RPEL1: variants seen among roughly 807,000 people sequenced by gnomAD.
RPEL1 encodes the protein ribulose-phosphate 3-epimerase-like protein 1.
A neutral mutation model predicts 12.8 loss-of-function variants in RPEL1; 7 were observed. The observed-to-expected ratio is 0.55, with a 90% CI of 0.31 to 1.03. The LOEUF is 1.03. Among genes scored for constraint, RPEL1 ranks in the 50% least tolerant of loss-of-function variants. The pLI is 0.05. For synonymous variants in RPEL1, 91 were observed against 102.0 expected, an observed-to-expected ratio of 0.89 and a Z score of 0.65; for missense variants, 237 against 289.4, an observed-to-expected ratio of 0.82 and a Z score of 1.31.
At position 103,247,893 on chromosome 10, in the gene RPEL1, T is replaced by C. The variant is rs535669961; in HGVS notation, c.*1210T>C. On this transcript the variant is annotated 3_prime_UTR_variant, in exon 1 of 1. Transcript: ENST00000441178. ...AATTCTAAGGCAATTCTACTGCAAATGAGATACTATCTTAATTTACAGTTG... is the reference window on the plus strand; with the variant it reads ...AATTCTAAGGCAATTCTACTGCAAACGAGATACTATCTTAATTTACAGTTG... 3.0e-5 allele frequency: 5 copies of C among 166,858 alleles called. No individual in the cohort carries two copies. Among genetic ancestry groups the C allele is most frequent in the Admixed American group, 2.0e-4 (3 of 15,222 alleles). 10.3% of individuals were successfully genotyped at this position (166,858 alleles called of 1,614,324 possible).
In RPEL1 at chr10:103,247,237, G is replaced by A. The variant is rs190262635; in HGVS notation, c.*554G>A. On this transcript the variant is annotated 3_prime_UTR_variant, in exon 1 of 1. Transcript: ENST00000441178. Reference sequence around the variant, plus strand: ...TATAAAAACAATGCGTGAAACCCAGGGGTTCTAAAATACAAGCATAGATTT... The same window carrying A: ...TATAAAAACAATGCGTGAAACCCAGAGGTTCTAAAATACAAGCATAGATTT... 404 of 170,000 alleles carry A rather than the reference G, an allele frequency of 2.4e-3. No homozygotes were observed. The highest frequency in any genetic ancestry group is 3.4e-3 in the Non-Finnish European group (236 of 70,134). 10.5% of individuals were successfully genotyped at this position (170,000 alleles called of 1,614,324 possible).
rs746788893 is a variant in RPEL1, at chr10:103,246,358, C to T, written c.362C>T (p.Pro121Leu). 1 of 1,614,198 alleles carries T rather than the reference C, an allele frequency of 6.2e-7. No homozygotes were observed. The highest frequency in any genetic ancestry group is 1.7e-5 in the Admixed American group (1 of 60,018). The change falls in exon 1 of 1, where the codon CCA becomes CTA. Residue 121 changes from proline to leucine, a missense_variant. Transcript: ENST00000441178. ...ATGAAGGTTGGCCTTGCCATCAAACCAGGAACCTCAGTTGAGTATTTGGCA... is the reference window on the plus strand; with the variant it reads ...ATGAAGGTTGGCCTTGCCATCAAACTAGGAACCTCAGTTGAGTATTTGGCA... ...NGMKVGLAIK[P>L]GTSVEYLAPW... is the part of the protein sequence containing the mutation.
rs748839870 is a variant in RPEL1 at position 103,246,116 on chromosome 10, T to C, written c.120T>C (p.Asp40=). ...GADYLHLDVM[D]GHFVPNITFG... ...ATTATCTGCATCTGGATGTAATGGA[T>C]GGGCATTTTGTTCCCAACATCACCT... The change falls in exon 1 of 1, where the codon GAT becomes GAC. Residue 40 remains aspartate (D), a synonymous_variant. Transcript: ENST00000441178. The C allele has an allele frequency of 3.1e-6, 5 of 1,614,194 alleles. No homozygotes were observed. Among genetic ancestry groups the C allele is most frequent in the South Asian group, 2.2e-5 (2 of 91,088 alleles).
the RPEL1 span, chr10:103,246,660 C>T: frequency 1.2e-6 from 2 of 1,613,474 alleles, no homozygotes; most frequent in African/African-American, 2.7e-5. Context: ...AGAAGCTGCT[C>T]AGAAACGTTC....
chr10:103,246,591 G>A lies in RPEL1; in HGVS notation c.595G>A (p.Ala199Thr). 1 of 1,614,216 alleles carries A rather than the reference G, an allele frequency of 6.2e-7. No homozygotes were observed. The change falls in exon 1 of 1, where the codon GCT (alanine) becomes ACT (threonine). Residue 199 changes from alanine to threonine, a missense_variant. By Grantham distance (58) the Ala-to-Thr change is moderately conservative. Transcript: ENST00000441178. ...AGANMTVSGS[A>T]IMRSEDPRSV... is the part of the protein sequence containing the mutation. ...AGCTAACATGACTGTATCTGGCAGT[G>A]CTATTATGAGGAGTGAAGACCCCAG...
chr10:103,247,014 A>G lies in RPEL1; in HGVS notation c.*331A>G, dbSNP rs61869770. On this transcript the variant is annotated 3_prime_UTR_variant, in exon 1 of 1. Transcript: ENST00000441178. The stretch of plus-strand genomic sequence containing the variant: ...CTAAGGAGGGCATATTAGCTACACT[A>G]CAAAAACAAATTTTGTCTGTACTTC... 0.086 allele frequency: 23,165 copies of G among 269,860 alleles called. 1,126 individuals are homozygous for G. Among genetic ancestry groups the G allele is most frequent in the Middle Eastern group, 0.15 (109 of 718 alleles). 16.7% of individuals were successfully genotyped at this position (269,860 alleles called of 1,614,324 possible).
At position 103,246,678 on chromosome 10, in the gene RPEL1, C is replaced by G; in HGVS notation, c.682C>G (p.Arg228Gly). 1 of 1,611,558 alleles carries G rather than the reference C, an allele frequency of 6.2e-7. No individual in the cohort carries two copies. The highest frequency in any genetic ancestry group is 8.5e-7 in the Non-Finnish European group (1 of 1,178,558). The stretch of plus-strand genomic sequence containing the variant: ...AGCTGCTCAGAAACGTTCTCTTGAT[C>G]GATGAAACCATAAGGAGCCCAATGT... ...SEAAQKRSLD[R>G] The change falls in exon 1 of 1, where the codon CGA (arginine) becomes GGA (glycine). Residue 228 changes from arginine (R) to glycine (G), a missense_variant. By Grantham distance (125) the Arg-to-Gly change is moderately radical. Coordinates refer to ENST00000441178, the MANE Select transcript of RPEL1 (RefSeq NM_001143909.1).
Position 103,245,926 on chromosome 10 carries a change from TAAAA to T in RPEL1, c.-61_-58del. On this transcript the variant is annotated 5_prime_UTR_variant, in exon 1 of 1. Transcript: ENST00000441178. ...GTTCTTTGGTAGAATTTCCTGGTTT[TAAAA>T]AAAAAAAAAGTGGGCTCTAGTCTTG... The T allele has an allele frequency of 7.1e-7, 1 of 1,407,518 alleles. No homozygotes were observed. 87.2% of individuals were successfully genotyped at this position (1,407,518 alleles called of 1,614,324 possible). A position where few individuals can be genotyped will look rare whatever the true frequency, so the allele number is the denominator to read the frequency against.
rs1028743648 is a variant in RPEL1 at position 103,247,265 on chromosome 10, T to C, written c.*582T>C. 1 of 169,672 alleles carries C rather than the reference T, an allele frequency of 5.9e-6. No individual in the cohort carries two copies. The highest frequency in any genetic ancestry group is 1.9e-4 in the East Asian group (1 of 5,252). 10.5% of individuals were successfully genotyped at this position (169,672 alleles called of 1,614,324 possible). A position where few individuals can be genotyped will look rare whatever the true frequency, so the allele number is the denominator to read the frequency against. On this transcript the variant is annotated 3_prime_UTR_variant, in exon 1 of 1. Coordinates refer to ENST00000441178, the MANE Select transcript of RPEL1 (RefSeq NM_001143909.1). ...TTCTAAAATACAAGCATAGATTTTATCAGGGTGTTTTTGTCAAAGCAGGTT... is the reference window on the plus strand; with the variant it reads ...TTCTAAAATACAAGCATAGATTTTACCAGGGTGTTTTTGTCAAAGCAGGTT...
In RPEL1 at chr10:103,246,502, C is replaced by G. The variant is rs751537073; in HGVS notation, c.506C>G (p.Ser169Cys). Residue 169 changes from serine to cysteine, a missense_variant, in exon 1 of 1, where the codon TCT becomes TGT. Physicochemically the swap from Ser to Cys is moderately radical, Grantham distance 112 (BLOSUM62 -1). Coordinates refer to ENST00000441178, the MANE Select transcript of RPEL1 (RefSeq NM_001143909.1). ...KVHWLRTQFP[S>C]LDIEGDGGVG... is the part of the protein sequence containing the mutation. ...CACTGGTTGAGGACCCAGTTCCCAT[C>G]TTTGGATATAGAGGGCGATGGTGGA... 4 of 1,614,030 alleles carry G rather than the reference C, an allele frequency of 2.5e-6. No homozygotes were observed. Among genetic ancestry groups the G allele is most frequent in the Admixed American group, 3.3e-5 (2 of 59,994 alleles).
rs748161635 is a variant in RPEL1, at chr10:103,246,211, T to C, written c.215T>C (p.Met72Thr). ...GQDPFFDMHMMVSKPEQWVKP... is the reference protein window; with the variant it reads ...GQDPFFDMHMTVSKPEQWVKP... ...GACCCTTTCTTTGACATGCACATGA[T>C]GGTGTCCAAGCCAGAACAGTGGGTA... Residue 72 changes from methionine to threonine, a missense_variant, in exon 1 of 1, where the codon ATG becomes ACG. Transcript: ENST00000441178. The C allele has an allele frequency of 2.5e-6, 4 of 1,614,220 alleles. No individual in the cohort carries two copies. Among genetic ancestry groups the C allele is most frequent in the South Asian group, 2.2e-5 (2 of 91,088 alleles).
rs959815907 is a variant in RPEL1, at chr10:103,247,973, T to C, written c.*1290T>C. ...GACCTGCTCAAGGTCATATAGCTAG[T>C]AAGGGTGCAGTATAGGTTCGAACCC... On this transcript the variant is annotated 3_prime_UTR_variant, in exon 1 of 1. Transcript: ENST00000441178. 2 of 166,928 alleles carry C rather than the reference T, an allele frequency of 1.2e-5. No individual in the cohort carries two copies. The highest frequency in any genetic ancestry group is 6.6e-5 in the Admixed American group (1 of 15,256). The allele number at this position is 166,928 out of a possible 1,614,324, so 10.3% of individuals were successfully genotyped here.
rs537413284 is a variant in RPEL1 at position 103,246,085 on chromosome 10, G to A, written c.89G>A (p.Gly30Glu). Residue 30 changes from glycine to glutamate, a missense_variant, in exon 1 of 1, where the codon GGG becomes GAG. By Grantham distance (98) the Gly-to-Glu change is moderately conservative. Transcript: ENST00000441178. ...GAKCLQMLDS[G>E]ADYLHLDVMD... ...AAGTGCCTCCAGATGCTAGACTCTGGGGCCGATTATCTGCATCTGGATGTA... is the reference window on the plus strand; with the variant it reads ...AAGTGCCTCCAGATGCTAGACTCTGAGGCCGATTATCTGCATCTGGATGTA... 3.7e-5 allele frequency: 59 copies of A among 1,614,172 alleles called. No individual in the cohort carries two copies. The Admixed American group carries it at 9.5e-4, about 26-fold the overall frequency.
rs1350241224 is a variant in RPEL1, at chr10:103,246,995, A to G, written c.*312A>G. The G allele has an allele frequency of 9.2e-5, 33 of 357,718 alleles. No homozygotes were observed. Among genetic ancestry groups the G allele is most frequent in the Non-Finnish European group, 1.5e-4 (28 of 188,546 alleles). 22.2% of individuals were successfully genotyped at this position (357,718 alleles called of 1,614,324 possible). Reference sequence around the variant, plus strand: ...CAGAAAAGTGTCTTAATGCCTAAGGAGGGCATATTAGCTACACTACAAAAA... The same window carrying G: ...CAGAAAAGTGTCTTAATGCCTAAGGGGGGCATATTAGCTACACTACAAAAA... On this transcript the variant is annotated 3_prime_UTR_variant, in exon 1 of 1. Transcript: ENST00000441178.
At position 103,246,229 on chromosome 10, in the gene RPEL1, A is replaced by G; in HGVS notation, c.233A>G (p.Gln78Arg). 6.2e-7 allele frequency: 1 copy of G among 1,614,234 alleles called. No homozygotes were observed. Among genetic ancestry groups the G allele is most frequent in the Non-Finnish European group, 8.5e-7 (1 of 1,180,046 alleles). ...DMHMMVSKPE[Q>R]WVKPMAVAEA... is the part of the protein sequence containing the mutation. The stretch of plus-strand genomic sequence containing the variant: ...CACATGATGGTGTCCAAGCCAGAAC[A>G]GTGGGTAAAGCCAATGGCTGTAGCA... Residue 78 changes from glutamine to arginine, a missense_variant, in exon 1 of 1, where the codon CAG (glutamine) becomes CGG (arginine). Transcript: ENST00000441178.
In RPEL1 at chr10:103,248,001, CT is replaced by C. The variant is rs1245857555; in HGVS notation, c.*1319del. 2 of 166,862 alleles carry C rather than the reference CT, an allele frequency of 1.2e-5. No homozygotes were observed. Among genetic ancestry groups the C allele is most frequent in the African/African-American group, 4.8e-5 (2 of 41,428 alleles). 10.3% of individuals were successfully genotyped at this position (166,862 alleles called of 1,614,324 possible). ...GGGTGCAGTATAGGTTCGAACCCAC[CT>C]GCCTGATTACGTCTCCCATGCCAAC... On this transcript the variant is annotated 3_prime_UTR_variant, in exon 1 of 1. Coordinates refer to ENST00000441178, the MANE Select transcript of RPEL1 (RefSeq NM_001143909.1).
chr10:103,246,949 C>G lies in RPEL1; in HGVS notation c.*266C>G. On this transcript the variant is annotated 3_prime_UTR_variant, in exon 1 of 1. Coordinates refer to ENST00000441178, the MANE Select transcript of RPEL1 (RefSeq NM_001143909.1). ...TTGATTTTTATAAAGAGTAAAAATA[C>G]GGCTGCATTAAGGTTACAAACAGAA... The G allele has an allele frequency of 2.0e-6, 1 of 507,540 alleles. No homozygotes were observed. Among genetic ancestry groups the G allele is most frequent in the East Asian group, 3.7e-5 (1 of 27,140 alleles). The allele number at this position is 507,540 out of a possible 1,614,324, so 31.4% of individuals were successfully genotyped here. A position where few individuals can be genotyped will look rare whatever the true frequency, so the allele number is the denominator to read the frequency against.
rs1430062043 is a variant in RPEL1 at position 103,246,851 on chromosome 10, T to A, written c.*168T>A. ...CAGAATATTCTAAGAGGTCAGAAAT[T>A]GGTGTGTATAACTACATTTTTAGTG... is the stretch of plus-strand genomic sequence containing the variant. On this transcript the variant is annotated 3_prime_UTR_variant, in exon 1 of 1. Transcript: ENST00000441178. 4.5e-6 allele frequency: 4 copies of A among 888,938 alleles called. No homozygotes were observed. The highest frequency in any genetic ancestry group is 6.8e-6 in the Non-Finnish European group (4 of 588,126). 55.1% of individuals were successfully genotyped at this position (888,938 alleles called of 1,614,324 possible).
Position 103,246,752 on chromosome 10 carries a change from C to G in RPEL1, c.*69C>G. On this transcript the variant is annotated 3_prime_UTR_variant, in exon 1 of 1. Transcript: ENST00000441178. ...TACTGGAAAACAGGAATATTGACTA[C>G]CAAATCATCATGAAATTGAAGCTGT... 6.6e-7 allele frequency: 1 copy of G among 1,512,966 alleles called. No homozygotes were observed. The highest frequency in any genetic ancestry group is 1.2e-5 in the South Asian group (1 of 80,294). The allele number at this position is 1,512,966 out of a possible 1,614,324, so 93.7% of individuals were successfully genotyped here.
Sources: allele counts gnomAD v4.1 joint callset, GRCh38; gene constraint gnomAD v4.1.1; transcripts MANE v1.5; gene names NCBI Gene and HGNC (gene_info 2026-07-23, HGNC 2026-07-21).